SMYD3: variants seen among roughly 807,000 people sequenced by gnomAD.
SMYD3 encodes the protein histone-lysine N-methyltransferase SMYD3.
Under a neutral mutation model 57.7 loss-of-function variants are expected in SMYD3, and 36 were observed. That is an observed-to-expected ratio of 0.62 (90% CI 0.48 to 0.82). SMYD3 has a LOEUF of 0.82. Among genes scored for constraint, SMYD3 ranks in the 40% least tolerant of loss-of-function variants. The pLI, the probability that SMYD3 is intolerant of heterozygous loss-of-function variation, is 0.00. For synonymous variants in SMYD3, 211 were observed against 195.0 expected (o/e 1.08, Z -0.68); for missense variants, 515 against 538.8 (o/e 0.96, Z 0.44).
At chr1:246,298,133 T>G (rs1461062179) in intron 5 of SMYD3, among the ~76,000 whole-genome samples, 1 of 151,682 alleles carries the variant, frequency 6.6e-6, no homozygotes. Context: ...AACCTGCAGG[T>G]TCACAGACAG....
intron 5 of SMYD3, among the ~76,000 whole-genome samples, chr1:246,254,000 C>A (rs1470997216): frequency 6.6e-6 from 1 of 152,102 alleles, no homozygotes; most frequent in Non-Finnish European, 1.5e-5. Flanking sequence ...TTCTCTGCTG[C>A]CTCACCAAAA....
At chr1:246,222,430 G>A (rs2063271311) in intron 5 of SMYD3, among the ~76,000 whole-genome samples, 1 of 152,104 alleles carries the variant, frequency 6.6e-6, no homozygotes, top group African/African-American at 2.4e-5. Context: ...TGCCTCATTA[G>A]CTGTGTAAAC....
intron 1 of SMYD3, among the ~76,000 whole-genome samples, chr1:246,367,643 G>A (rs60264794): frequency 0.15 from 23,369 of 152,002 alleles, 2,042 homozygotes; most frequent in East Asian, 0.3. Flanking sequence ...TGTTGGCCAG[G>A]CTGCTCTCGA....
At chr1:245,787,513 T>C (rs1336797514) in intron 10 of SMYD3, among the ~76,000 whole-genome samples, 1 of 152,182 alleles carries the variant, frequency 6.6e-6, no homozygotes, top group African/African-American at 2.4e-5. Context: ...ACGGCCTTCT[T>C]AGTGTGGCCT....
intron 5 of SMYD3, among the ~76,000 whole-genome samples, chr1:245,941,800 G>A (rs900553449): frequency 2.0e-5 from 3 of 152,108 alleles, no homozygotes; most frequent in African/African-American, 4.8e-5. Context: ...TGGGATTACA[G>A]GTATAAGCCA....
intron 1 of SMYD3, among the ~76,000 whole-genome samples, chr1:246,505,429 G>GAGC (rs111391483): frequency 0.054 from 8,244 of 151,660 alleles, 712 homozygotes; most frequent in African/African-American, 0.19. Flanking sequence ...GTTTCCCAAG[G>GAGC]AGCAGCAGCA....
intron 5 of SMYD3, among the ~76,000 whole-genome samples, chr1:245,977,029 C>CAGGGAAAGCCATCGTCTCCGGCCT (rs2058457644): frequency 2.7e-5 from 1 of 36,984 alleles, no homozygotes; most frequent in East Asian, 9.7e-4. Flanking sequence ...GTCTCTAGCC[C>CAGGGAAAGCCATCGTCTCCGGCCT]AGGGAAAGCC....
In SMYD3 at chr1:245,859,646, G is replaced by A. The variant is rs571099653; in HGVS notation, c.902-976C>T. Reference sequence around the variant, plus strand: ...AGTTTCTTCACTGTGCGGTGTGTTAGGCGAGCTGGAGACCAAGGAGGGTGC... The same window carrying A: ...AGTTTCTTCACTGTGCGGTGTGTTAAGCGAGCTGGAGACCAAGGAGGGTGC... On this transcript the variant is annotated intron_variant, in intron 9 of 11. Transcript: ENST00000490107. Among the ~76,000 whole-genome samples the A allele has an allele frequency of 1.1e-4, 16 of 152,322 alleles. No homozygotes were observed. In the South Asian group the frequency reaches 3.3e-3, roughly 32 times the overall value.
intron 5 of SMYD3, among the ~76,000 whole-genome samples, chr1:246,310,257 T>C (rs953757201): frequency 2.0e-5 from 3 of 152,068 alleles, no homozygotes; most frequent in Non-Finnish European, 2.9e-5. Flanking sequence ...CGGAGGCAAG[T>C]CTACCTGAAA....
At chr1:245,910,555 G>C (rs2054896941) in intron 8 of SMYD3, among the ~76,000 whole-genome samples, 1 of 151,978 alleles carries the variant, frequency 6.6e-6, no homozygotes, top group African/African-American at 2.4e-5. Flanking sequence ...AGCAAAGTAA[G>C]CATGGTACTA....
At chr1:245,994,896 G>T (rs1267226068) in intron 5 of SMYD3, among the ~76,000 whole-genome samples, 1 of 152,120 alleles carries the variant, frequency 6.6e-6, no homozygotes, top group Non-Finnish European at 1.5e-5. Flanking sequence ...GGAGGCCGAG[G>T]TGGGTGGATC....
At chr1:246,362,874 C>T (rs1292379900) in intron 1 of SMYD3, among the ~76,000 whole-genome samples, 2 of 151,820 alleles carry the variant, frequency 1.3e-5, no homozygotes, top group Non-Finnish European at 2.9e-5. Flanking sequence ...AGCCTCTGCC[C>T]GGCCGCCACC....
chr1:246,058,472 G>C (rs2060192123), intron 5 of SMYD3, among the ~76,000 whole-genome samples: 1 of 152,210 alleles, frequency 6.6e-6, no homozygotes, highest in South Asian at 2.1e-4. Flanking sequence ...ACCCCATTCA[G>C]TAACCTGAAG....
At chr1:246,105,803 A>G (rs775494068) in intron 5 of SMYD3, among the ~76,000 whole-genome samples, 4 of 152,220 alleles carry the variant, frequency 2.6e-5, no homozygotes, top group Non-Finnish European at 4.4e-5. Flanking sequence ...TCAAATGGGC[A>G]CTGCCATGCC....
intron 5 of SMYD3, among the ~76,000 whole-genome samples, chr1:246,108,970 C>A (rs557710099): frequency 2.6e-5 from 4 of 152,294 alleles, no homozygotes; most frequent in South Asian, 2.1e-4. Flanking sequence ...TTCTTTGACA[C>A]TAGGTAGGGT....
At chr1:246,320,368 C>T (rs1200615014) in intron 5 of SMYD3, among the ~76,000 whole-genome samples, 4 of 152,106 alleles carry the variant, frequency 2.6e-5, no homozygotes, top group South Asian at 2.1e-4. Flanking sequence ...AAATAACATG[C>T]TACCAGGAGA....
intron 5 of SMYD3, among the ~76,000 whole-genome samples, chr1:246,235,004 G>T (rs1047657400): frequency 1.3e-5 from 2 of 152,118 alleles, no homozygotes; most frequent in African/African-American, 2.4e-5. Context: ...AGTGGAATGT[G>T]GCGTTAAATC....
At chr1:246,267,021 T>C (rs1389208245) in intron 5 of SMYD3, among the ~76,000 whole-genome samples, 5 of 152,244 alleles carry the variant, frequency 3.3e-5, no homozygotes, top group Non-Finnish European at 7.3e-5. Flanking sequence ...TATCTAGTTT[T>C]ATAAGCCTGG....
intron 5 of SMYD3, among the ~76,000 whole-genome samples, chr1:246,141,626 G>GC (rs1171824492): frequency 6.6e-6 from 1 of 152,046 alleles, no homozygotes; most frequent in Non-Finnish European, 1.5e-5. Flanking sequence ...CAGAACCACA[G>GC]CCCCCCTGAA....
Sources: gnomAD v4.1 joint callset for allele counts (sites outside exome capture counted in the v4.1 genomes callset) on GRCh38, gnomAD v4.1.1 for gene constraint, MANE v1.5 for transcripts, NCBI Gene and HGNC (gene_info 2026-07-23, HGNC 2026-07-21) for gene names.